FAM98A: variants seen among roughly 807,000 people sequenced by gnomAD.
FAM98A encodes tRNA splicing ligase complex subunit 3A.
FAM98A carries 25 observed loss-of-function variants against 62.9 expected under a neutral mutation model. That is an observed-to-expected ratio of 0.40 (90% confidence interval 0.29 to 0.56). The LOEUF is 0.56. Ranked by LOEUF, FAM98A falls within the 20% of genes least tolerant of loss-of-function variation. The probability of loss-of-function intolerance (pLI) is 0.51; values close to 1 mark genes in which losing one functional copy is unlikely to be tolerated. For synonymous variants in FAM98A, 252 were observed against 228.6 expected (o/e 1.10, Z -0.92); for missense variants, 653 against 640.7 (o/e 1.02, Z -0.21).
chr2:33,596,121 G>A (rs1677805924), intron 1 of FAM98A, among the ~76,000 whole-genome samples: 1 of 152,176 alleles, frequency 6.6e-6, no homozygotes, highest in South Asian at 2.1e-4. Context: ...AGGCTGAAGT[G>A]CAGTGAAGGC....
Position 33,592,111 on chromosome 2 carries a change from A to G in FAM98A, c.306T>C (p.Leu102=), listed in dbSNP as rs748153796. 41 of 1,613,390 alleles carry G rather than the reference A, an allele frequency of 2.5e-5. No homozygotes were observed. Among genetic ancestry groups the G allele is most frequent in the Non-Finnish European group, 3.5e-5 (41 of 1,179,600 alleles). ...AGAGGAGGCAGTTCTTCTGAATGAG[A>G]AGGCGCTTGGTCACATCCCCAGATG... is the stretch of plus-strand genomic sequence containing the variant. ...SLTSGDVTKR[L]LIQKNCLLLL... Residue 102 remains leucine, a synonymous_variant, in exon 3 of 8, where the codon CTT becomes CTC. Coordinates refer to ENST00000238823, the MANE Select transcript of FAM98A (RefSeq NM_015475.5).
chr2:33,593,626 T>C (rs1677724485), intron 2 of FAM98A, among the ~76,000 whole-genome samples: 2 of 152,176 alleles, frequency 1.3e-5, no homozygotes. Context: ...GGGGAAGAAA[T>C]TAACAAACTC....
intron 3 of FAM98A, among the ~76,000 whole-genome samples, chr2:33,591,228 A>C (rs1376163288): frequency 1.3e-5 from 2 of 151,870 alleles, no homozygotes; most frequent in African/African-American, 2.4e-5. Context: ...TTAAAAACTG[A>C]AGTTGTATAA....
rs1247601763 is a variant in FAM98A at position 33,584,461 on chromosome 2, A to G, written c.*315T>C. ...TGAAAACATGAAAACTACTTATTCA[A>G]GTAATTTCTTCAAAAAAGTTTGCAT... On this transcript the variant is annotated 3_prime_UTR_variant, in exon 8 of 8. Transcript: ENST00000238823. 3.1e-6 allele frequency: 1 copy of G among 319,010 alleles called. No homozygotes were observed. The highest frequency in any genetic ancestry group is 2.1e-5 in the African/African-American group (1 of 47,012). 19.8% of individuals were successfully genotyped at this position (319,010 alleles called of 1,614,324 possible).
chr2:33,587,325 C>G lies in FAM98A; in HGVS notation c.523-5G>C. On this transcript the variant is annotated splice_polypyrimidine_tract_variant and splice_region_variant and intron_variant, in intron 4 of 7. Transcript: ENST00000238823. ...TTTTGCTAATGTTTCCTTTAACTGA[C>G]ACAAAAACATAAATAAATGAATAAA... is the stretch of plus-strand genomic sequence containing the variant. The G allele has an allele frequency of 6.2e-7, 1 of 1,601,238 alleles. No individual in the cohort carries two copies. Among genetic ancestry groups the G allele is most frequent in the Non-Finnish European group, 8.6e-7 (1 of 1,168,694 alleles).
chr2:33,584,944 CCCACCACGA>C lies in FAM98A; in HGVS notation c.1380_1388del (p.Gly471_Arg473del). The stretch of plus-strand genomic sequence containing the variant: ...CACCTCGGCCTCCACGACCACCTCG[CCCACCACGA>C]CCACCACCACGATCACCATGGTGCC... On this transcript the variant is annotated inframe_deletion, in exon 8 of 8. Coordinates refer to ENST00000238823, the MANE Select transcript of FAM98A (RefSeq NM_015475.5). 6.2e-7 allele frequency: 1 copy of C among 1,613,680 alleles called. No homozygotes were observed. Among genetic ancestry groups the C allele is most frequent in the Non-Finnish European group, 8.5e-7 (1 of 1,179,830 alleles).
chr2:33,594,436 C>T (rs1400350323), intron 2 of FAM98A, among the ~76,000 whole-genome samples: 1 of 148,366 alleles, frequency 6.7e-6, no homozygotes, highest in East Asian at 2.0e-4. Context: ...GGAGAGGGAA[C>T]TCAGAGGACA....
intron 1 of FAM98A, 100 bp from the exon 2 acceptor site, chr2:33,595,737 A>G: frequency 1.2e-6 from 1 of 826,860 alleles, no homozygotes. Flanking sequence ...CAATAATTTA[A>G]TAAAGATAAG....
rs150613673 is a variant in FAM98A at position 33,586,524 on chromosome 2, TATAA to T, written c.720+34_720+37del. The T allele has an allele frequency of 1.8e-3, 2,393 of 1,329,174 alleles. 4 individuals are homozygous for T. The highest frequency in any genetic ancestry group is 2.4e-3 in the Non-Finnish European group (2,232 of 921,300). 82.3% of individuals were successfully genotyped at this position (1,329,174 alleles called of 1,614,324 possible). A position where few individuals can be genotyped will look rare whatever the true frequency, so the allele number is the denominator to read the frequency against. On this transcript the variant is annotated intron_variant, in intron 6 of 7. Transcript: ENST00000238823. ...TGTTTAGATGTTCAGGGATCATGTC[TATAA>T]ATAGTCTGCTCTTTTAAATTATTTA... is the stretch of plus-strand genomic sequence containing the variant.
chr2:33,599,108 G>T, intron 1 of FAM98A, 61 bp downstream of exon 1: 1 of 1,378,944 alleles, frequency 7.3e-7, no homozygotes, highest in Non-Finnish European at 1.0e-6. Flanking sequence ...TGGGGCGCAG[G>T]AGGTGTTCCC....
At chr2:33,589,903 A>C (rs1451255331) in intron 3 of FAM98A, 1 of 152,160 alleles carries the variant, frequency 6.6e-6, no homozygotes, top group East Asian at 1.9e-4. Flanking sequence ...CCCTTTTAGA[A>C]AAAGTTTGCC....
At chr2:33,589,979 C>T (rs1182950897) in intron 3 of FAM98A, 1 of 152,086 alleles carries the variant, frequency 6.6e-6, no homozygotes, top group African/African-American at 2.4e-5. Flanking sequence ...TTTGGGATAA[C>T]ATAGTTCAGG....
intron 1 of FAM98A, among the ~76,000 whole-genome samples, chr2:33,597,197 TAA>T (rs930592629): frequency 8.5e-5 from 13 of 152,080 alleles, no homozygotes; most frequent in African/African-American, 3.1e-4. Flanking sequence ...AGGTAAGAGA[TAA>T]AAGATGACTA....
At chr2:33,594,515 T>G (rs1677745529) in intron 2 of FAM98A, among the ~76,000 whole-genome samples, 1 of 124,804 alleles carries the variant, frequency 8.0e-6, no homozygotes, top group Non-Finnish European at 1.6e-5. Context: ...GTTCTACACA[T>G]GTATCCCGGA....
At position 33,599,256 on chromosome 2, in the gene FAM98A, C is replaced by A. The variant is rs545401901; in HGVS notation, c.-35G>T. On this transcript the variant is annotated 5_prime_UTR_variant, in exon 1 of 8. Transcript: ENST00000238823. ...GTATTCAAATTTCCGAGTCGTCAGG[C>A]TCCCCTCTTCGCCGGCAACGCGTAC... The A allele has an allele frequency of 7.8e-5, 123 of 1,582,116 alleles. 3 individuals are homozygous for A. The South Asian group carries it at 1.3e-3, about 17-fold the overall frequency.
intron 1 of FAM98A, among the ~76,000 whole-genome samples, chr2:33,598,388 A>T (rs980860958): frequency 4.6e-5 from 7 of 152,228 alleles, no homozygotes; most frequent in Non-Finnish European, 8.8e-5. Context: ...CTCAAGTTTA[A>T]TAGAGTACAC....
In FAM98A at chr2:33,584,490, C is replaced by A. The variant is rs1192482218; in HGVS notation, c.*286G>T. 1 of 381,988 alleles carries A rather than the reference C, an allele frequency of 2.6e-6. No individual in the cohort carries two copies. Among genetic ancestry groups the A allele is most frequent in the Non-Finnish European group, 4.7e-6 (1 of 213,392 alleles). 23.7% of individuals were successfully genotyped at this position (381,988 alleles called of 1,614,324 possible). A position where few individuals can be genotyped will look rare whatever the true frequency, so the allele number is the denominator to read the frequency against. On this transcript the variant is annotated 3_prime_UTR_variant, in exon 8 of 8. Coordinates refer to ENST00000238823, the MANE Select transcript of FAM98A (RefSeq NM_015475.5). ...ATTTCTTCAAAAAAGTTTGCATGTTCTGACTGTGGAATTAGTCTACTGGGC... is the reference window on the plus strand; with the variant it reads ...ATTTCTTCAAAAAAGTTTGCATGTTATGACTGTGGAATTAGTCTACTGGGC...
At position 33,599,194 on chromosome 2, in the gene FAM98A, T is replaced by A. The variant is rs1329863062; in HGVS notation, c.28A>T (p.Ile10Phe). 1.2e-6 allele frequency: 2 copies of A among 1,613,916 alleles called. No homozygotes were observed. Among genetic ancestry groups the A allele is most frequent in the South Asian group, 1.1e-5 (1 of 91,082 alleles). Residue 10 changes from isoleucine to phenylalanine, a missense_variant, in exon 1 of 8, where the codon ATC becomes TTC. Coordinates refer to ENST00000238823, the MANE Select transcript of FAM98A (RefSeq NM_015475.5). MECDLMETD[I>F]LESLEDLGYK... The stretch of plus-strand genomic sequence containing the variant: ...CCTAGATCTTCCAACGACTCCAAGA[T>A]GTCAGTCTCCATGAGGTCACACTCC...
At chr2:33,591,751 A>T (rs1179533595) in intron 3 of FAM98A, among the ~76,000 whole-genome samples, 1 of 152,180 alleles carries the variant, frequency 6.6e-6, no homozygotes, top group East Asian at 1.9e-4. Flanking sequence ...ATACTTAAAA[A>T]TGTGCTTCTA....
Sources: gnomAD v4.1 joint callset for allele counts (sites outside exome capture counted in the v4.1 genomes callset) on GRCh38, gnomAD v4.1.1 for gene constraint, MANE v1.5 for transcripts, NCBI Gene and HGNC (gene_info 2026-07-23, HGNC 2026-07-21) for gene names.